CTTNBP2: variants seen among roughly 807,000 people sequenced by gnomAD.
CTTNBP2 encodes cortactin binding protein 2.
In CTTNBP2, 108 loss-of-function variants were observed where a neutral mutation model predicts 156.9. That is an observed-to-expected ratio of 0.69 (90% CI 0.59 to 0.81). The LOEUF is 0.81. Among genes scored for constraint, CTTNBP2 ranks in the 30% least tolerant of loss-of-function variants. The pLI, the probability that CTTNBP2 is intolerant of heterozygous loss-of-function variation, is 0.00. For synonymous variants in CTTNBP2, 767 were observed against 751.8 expected (o/e 1.02, Z -0.33); for missense variants, 1,924 against 2,035.4 (o/e 0.95, Z 1.05).
chr7:117,801,223 A>G (rs946112220), intron 3 of CTTNBP2, among the ~76,000 whole-genome samples: 2 of 152,236 alleles, frequency 1.3e-5, no homozygotes, highest in Non-Finnish European at 2.9e-5. Flanking sequence ...ACATTTAATG[A>G]ATAAGATATT....
At chr7:117,717,565 T>TGGATGTGAATCAACTTATTCA in intron 22 of CTTNBP2, among the ~76,000 whole-genome samples, 2 of 152,308 alleles carry the variant, frequency 1.3e-5, no homozygotes, top group Middle Eastern at 6.8e-3. Context: ...TGTTCTGCCC[T>TGGATGTGAATCAACTTATTCA]GGATGTGAAT....
intron 9 of CTTNBP2, among the ~76,000 whole-genome samples, chr7:117,765,358 TAGAA>T (rs1797431038): frequency 6.6e-6 from 1 of 152,224 alleles, no homozygotes; most frequent in Non-Finnish European, 1.5e-5. Context: ...ATTGGAATCT[TAGAA>T]AGACCTTAAG....
intron 3 of CTTNBP2, among the ~76,000 whole-genome samples, chr7:117,805,728 T>C (rs1158610489): frequency 1.3e-5 from 2 of 152,036 alleles, no homozygotes; most frequent in Non-Finnish European, 2.9e-5. Flanking sequence ...GTACTACTTT[T>C]ACAGATTTTT....
chr7:117,790,598 TAA>T (rs397968884), intron 4 of CTTNBP2, among the ~76,000 whole-genome samples: 13 of 136,230 alleles, frequency 9.5e-5, no homozygotes, highest in Admixed American at 2.2e-4. Context: ...TTTCTGAAGG[TAA>T]AAAAAAAAAA....
intron 2 of CTTNBP2, among the ~76,000 whole-genome samples, chr7:117,847,706 G>C (rs1379785058): frequency 5.9e-5 from 9 of 151,634 alleles, no homozygotes; most frequent in Non-Finnish European, 2.9e-5. Flanking sequence ...CATTCTGACA[G>C]TGTCATAAGC....
intron 14 of CTTNBP2, among the ~76,000 whole-genome samples, chr7:117,740,220 T>C (rs906635537): frequency 7.1e-6 from 1 of 141,554 alleles, no homozygotes; most frequent in African/African-American, 2.9e-5. Flanking sequence ...GAAATGGTCT[T>C]TTGTTCTCTA....
intron 3 of CTTNBP2, among the ~76,000 whole-genome samples, chr7:117,809,110 C>T (rs972255672): frequency 1.3e-5 from 2 of 151,694 alleles, no homozygotes; most frequent in Non-Finnish European, 2.9e-5. Context: ...ACCCATAGGA[C>T]AGAAACAATT....
intron 2 of CTTNBP2, among the ~76,000 whole-genome samples, chr7:117,823,700 C>T (rs533211531): frequency 6.6e-6 from 1 of 152,152 alleles, no homozygotes; most frequent in Non-Finnish European, 1.5e-5. Flanking sequence ...TTCTTGGACA[C>T]TTTTCGTTTG....
intron 2 of CTTNBP2, among the ~76,000 whole-genome samples, chr7:117,823,408 T>C (rs1801086258): frequency 6.6e-6 from 1 of 152,232 alleles, no homozygotes; most frequent in Non-Finnish European, 1.5e-5. Context: ...TTTAATAGCT[T>C]AGAAAGGTTT....
chr7:117,804,830 T>C (rs1799838782), intron 3 of CTTNBP2, among the ~76,000 whole-genome samples: 3 of 152,154 alleles, frequency 2.0e-5, no homozygotes, highest in African/African-American at 7.2e-5. Flanking sequence ...TTAATGCCTA[T>C]GTGATGGGTT....
chr7:117,820,981 C>A (rs912950743), intron 2 of CTTNBP2, among the ~76,000 whole-genome samples: 4 of 151,988 alleles, frequency 2.6e-5, no homozygotes, highest in Non-Finnish European at 4.4e-5. Flanking sequence ...TAGGTTTATT[C>A]TTATATTTTT....
intron 14 of CTTNBP2, among the ~76,000 whole-genome samples, chr7:117,744,820 C>T (rs1450635012): frequency 2.0e-5 from 3 of 152,122 alleles, no homozygotes; most frequent in Non-Finnish European, 2.9e-5. Context: ...TAGCTTGTGC[C>T]CCAGAAATCG....
chr7:117,794,918 C>T (rs1222710962), intron 3 of CTTNBP2, among the ~76,000 whole-genome samples: 9 of 113,934 alleles, frequency 7.9e-5, no homozygotes, highest in African/African-American at 1.0e-4. Flanking sequence ...GACGGAGTCT[C>T]GCTCTGTCGC....
intron 2 of CTTNBP2, among the ~76,000 whole-genome samples, chr7:117,853,403 G>A (rs1803056555): frequency 6.6e-6 from 1 of 152,146 alleles, no homozygotes; most frequent in Non-Finnish European, 1.5e-5. Context: ...TAAAGATGAT[G>A]CTGCACACTG....
chr7:117,733,584 T>C (rs1182218898), intron 16 of CTTNBP2, among the ~76,000 whole-genome samples: 1 of 152,226 alleles, frequency 6.6e-6, no homozygotes, highest in Non-Finnish European at 1.5e-5. Flanking sequence ...TCACCATTCG[T>C]CCTTCTTGTT....
intron 19 of CTTNBP2, among the ~76,000 whole-genome samples, chr7:117,721,700 G>GT (rs1363752057): frequency 2.0e-5 from 3 of 152,266 alleles, no homozygotes; most frequent in Admixed American, 1.3e-4. Context: ...AAAATCATAT[G>GT]TTTTTTAAAC....
At chr7:117,779,701 T>C (rs995246013) in intron 7 of CTTNBP2, among the ~76,000 whole-genome samples, 3 of 151,404 alleles carry the variant, frequency 2.0e-5, no homozygotes, top group Non-Finnish European at 2.9e-5. Flanking sequence ...TCATTAAAAA[T>C]GTTTATATCT....
At chr7:117,795,714 A>C (rs1348656186) in intron 3 of CTTNBP2, among the ~76,000 whole-genome samples, 2 of 152,236 alleles carry the variant, frequency 1.3e-5, no homozygotes, top group African/African-American at 4.8e-5. Flanking sequence ...AAATATTTAT[A>C]GAGAAAACTA....
intron 2 of CTTNBP2, among the ~76,000 whole-genome samples, chr7:117,859,620 C>T (rs1031495615): frequency 6.6e-6 from 1 of 152,234 alleles, no homozygotes; most frequent in African/African-American, 2.4e-5. Context: ...CTAAGGGTCA[C>T]ATATGTTAGT....
Sources: allele counts gnomAD v4.1 joint callset (sites outside exome capture counted in the v4.1 genomes callset), GRCh38; gene constraint gnomAD v4.1.1; transcripts MANE v1.5; gene names NCBI Gene and HGNC (gene_info 2026-07-23, HGNC 2026-07-21).